CRTC1: variants seen among roughly 807,000 people sequenced by gnomAD.
The protein encoded by CRTC1 is CREB regulated transcription coactivator 1.
CRTC1 carries 18 observed loss-of-function variants against 66.1 expected under a neutral mutation model. The observed-to-expected ratio is 0.27, with a 90% CI of 0.19 to 0.40. The LOEUF is 0.40. Ranked by LOEUF, CRTC1 falls within the 10% of genes least tolerant of loss-of-function variation. The pLI, the probability that CRTC1 is intolerant of heterozygous loss-of-function variation, is 1.00. For synonymous variants in CRTC1, 416 were observed against 398.8 expected, an observed-to-expected ratio of 1.04 and a Z score of -0.51; for missense variants, 669 against 887.9, an observed-to-expected ratio of 0.75 and a Z score of 3.13.
chr19:18,695,330 C>T (rs764560597), intron 1 of CRTC1, among the ~76,000 whole-genome samples: 2 of 151,670 alleles, frequency 1.3e-5, no homozygotes, highest in Non-Finnish European at 2.9e-5. Context: ...TTAAATGGGA[C>T]TCTGTAAAAT....
intron 9 of CRTC1, among the ~76,000 whole-genome samples, chr19:18,766,002 C>T (rs1429958659): frequency 1.3e-5 from 2 of 151,960 alleles, no homozygotes; most frequent in African/African-American, 2.4e-5. Flanking sequence ...TTTGATTTTT[C>T]AATTTGCTGT....
intron 5 of CRTC1, among the ~76,000 whole-genome samples, chr19:18,751,736 A>G (rs2054368440): frequency 6.6e-6 from 1 of 151,954 alleles, no homozygotes; most frequent in Admixed American, 6.6e-5. Context: ...CACTGGTCCC[A>G]CCTCCATCAG....
At chr19:18,725,486 G>A (rs2053728058) in intron 1 of CRTC1, among the ~76,000 whole-genome samples, 1 of 151,246 alleles carries the variant, frequency 6.6e-6, no homozygotes, top group African/African-American at 2.4e-5. Flanking sequence ...TGGAGCGGAG[G>A]TTGGGGCAGC....
intron 1 of CRTC1, among the ~76,000 whole-genome samples, chr19:18,686,511 G>A (rs2052687372): frequency 6.6e-6 from 1 of 152,170 alleles, no homozygotes. Flanking sequence ...GTCGGGTGTG[G>A]TGGCACATGC....
chr19:18,745,059 G>A (rs1439729970), intron 2 of CRTC1, among the ~76,000 whole-genome samples: 2 of 152,222 alleles, frequency 1.3e-5, no homozygotes, highest in Admixed American at 6.5e-5. Context: ...GATGGCAAGT[G>A]GGCAACACAG....
chr19:18,781,983 C>T lies in CRTC1; in HGVS notation c.*4601C>T, dbSNP rs2055112275. 3 of 229,870 alleles carry T rather than the reference C, an allele frequency of 1.3e-5. No homozygotes were observed. The South Asian group carries it at 5.4e-4, about 42-fold the overall frequency. 14.2% of individuals were successfully genotyped at this position (229,870 alleles called of 1,614,324 possible). ...TTAGCCATGGACTTGGCCAGTAGGC[C>T]TGGGGAGGGAGGGCTTTGGCAGCCA... On this transcript the variant is annotated 3_prime_UTR_variant, in exon 14 of 14. Coordinates refer to ENST00000321949, the MANE Select transcript of CRTC1 (RefSeq NM_015321.3).
intron 1 of CRTC1, among the ~76,000 whole-genome samples, chr19:18,692,509 G>A (rs1211242968): frequency 2.6e-5 from 4 of 151,958 alleles, no homozygotes; most frequent in African/African-American, 7.3e-5. Flanking sequence ...GCTGAGACAG[G>A]AGAATTGCTT....
chr19:18,770,002 C>G (rs938661496), intron 10 of CRTC1, among the ~76,000 whole-genome samples: 3 of 151,436 alleles, frequency 2.0e-5, no homozygotes, highest in Admixed American at 6.6e-5. Flanking sequence ...GAGCTCACCG[C>G]CACCCCCCGC....
At chr19:18,737,672 A>T (rs559091237) in intron 1 of CRTC1, among the ~76,000 whole-genome samples, 1 of 152,012 alleles carries the variant, frequency 6.6e-6, no homozygotes, top group South Asian at 2.1e-4. Context: ...GTCTACTCAT[A>T]CGTGGATTCT....
intron 1 of CRTC1, 133 bp from the exon 2 acceptor site, chr19:18,742,777 C>A: frequency 1.5e-6 from 1 of 685,578 alleles, no homozygotes; most frequent in South Asian, 1.6e-5. Flanking sequence ...GCATCTGGGT[C>A]ATGAGGTCCT....
intron 12 of CRTC1, 105 bp downstream of exon 12, chr19:18,775,091 G>A (rs1015162261): frequency 1.8e-6 from 2 of 1,136,982 alleles, no homozygotes; most frequent in Non-Finnish European, 2.5e-6. Flanking sequence ...ACGTGCTCGG[G>A]GGGCCCGTGC....
chr19:18,709,460 T>C (rs1055172656), intron 1 of CRTC1, among the ~76,000 whole-genome samples: 4 of 152,074 alleles, frequency 2.6e-5, no homozygotes, highest in African/African-American at 9.7e-5. Flanking sequence ...GGGAGAAGCC[T>C]CCAGGCCCAA....
chr19:18,685,838 G>A (rs1326994364), intron 1 of CRTC1, among the ~76,000 whole-genome samples: 1 of 152,168 alleles, frequency 6.6e-6, no homozygotes, highest in Non-Finnish European at 1.5e-5. Flanking sequence ...GGTCACAGTA[G>A]GTTCATGGGT....
At chr19:18,738,163 A>T (rs975381519) in intron 1 of CRTC1, among the ~76,000 whole-genome samples, 2 of 151,972 alleles carry the variant, frequency 1.3e-5, no homozygotes, top group Non-Finnish European at 2.9e-5. Flanking sequence ...TACAAAAGTT[A>T]AAAATTAGCC....
At chr19:18,692,168 A>ATT (rs2052858021) in intron 1 of CRTC1, among the ~76,000 whole-genome samples, 1 of 149,802 alleles carries the variant, frequency 6.7e-6, no homozygotes, top group East Asian at 2.0e-4. Context: ...TGCTACTAAA[A>ATT]AGGGCTGAAT....
intron 1 of CRTC1, among the ~76,000 whole-genome samples, chr19:18,713,924 G>A (rs1199189648): frequency 1.3e-5 from 2 of 152,226 alleles, no homozygotes; most frequent in East Asian, 3.8e-4. Context: ...CAGCCTGGTG[G>A]GTAGGGCTGT....
intron 5 of CRTC1, among the ~76,000 whole-genome samples, chr19:18,753,167 T>G (rs1039296600): frequency 6.6e-6 from 1 of 151,722 alleles, no homozygotes; most frequent in Non-Finnish European, 1.5e-5. Flanking sequence ...TCCCAGCTAC[T>G]TGGGAGGCTG....
rs771118677 is a variant in CRTC1, at chr19:18,777,404, C to A, written c.*22C>A. On this transcript the variant is annotated 3_prime_UTR_variant, in exon 14 of 14. Coordinates refer to ENST00000321949, the MANE Select transcript of CRTC1 (RefSeq NM_015321.3). The surrounding 1 kb of genome is among the most constrained non-coding windows in gnomAD (Gnocchi z 5.5). ...GTGAGCGGGCACGCCGGCACCCTGC[C>A]GCTCAGCCGTCCCGACGGCGCCTCC... The A allele has an allele frequency of 6.3e-7, 1 of 1,596,014 alleles. No homozygotes were observed. The highest frequency in any genetic ancestry group is 1.3e-5 in the African/African-American group (1 of 74,810).
At position 18,726,449 on chromosome 19, in the gene CRTC1, G is replaced by A. The variant is rs576126179; in HGVS notation, c.127-16461G>A. 2.8e-4 allele frequency among the ~76,000 whole-genome samples: 43 copies of A among 152,356 alleles called. No homozygotes were observed. In the South Asian group the frequency reaches 8.1e-3, roughly 29 times the overall value. On this transcript the variant is annotated intron_variant, in intron 1 of 13. Transcript: ENST00000321949. ...GCTTCCTTGGGATGGTTCTTAGAGTGGGCTGGAGGTGACCTGGGGTTTGGT... is the reference window on the plus strand; with the variant it reads ...GCTTCCTTGGGATGGTTCTTAGAGTAGGCTGGAGGTGACCTGGGGTTTGGT...
Sources: allele counts gnomAD v4.1 joint callset (sites outside exome capture counted in the v4.1 genomes callset), GRCh38; gene constraint gnomAD v4.1.1; non-coding constraint Gnocchi (gnomAD v3.1); transcripts MANE v1.5; gene names NCBI Gene and HGNC (gene_info 2026-07-23, HGNC 2026-07-21).